Variants in STPG4 observed in about 807,000 individuals in gnomAD.
The protein encoded by STPG4 is protein STPG4.
Under a neutral mutation model 31.5 loss-of-function variants are expected in STPG4, and 41 were observed. The observed-to-expected ratio is 1.30, with a 90% CI of 1.01 to 1.69. The LOEUF is 1.69. STPG4 is among the 40% of genes most tolerant of loss of function. The probability of loss-of-function intolerance (pLI) is 0.00; values close to 1 mark genes in which losing one functional copy is unlikely to be tolerated. For synonymous variants in STPG4, 141 were observed against 103.0 expected, an observed-to-expected ratio of 1.37 and a Z score of -2.24; for missense variants, 375 against 293.4, an observed-to-expected ratio of 1.28 and a Z score of -2.03.
intron 5 of STPG4, among the ~76,000 whole-genome samples, chr2:47,092,253 G>C (rs2103725586): frequency 1.3e-5 from 2 of 149,816 alleles, no homozygotes; most frequent in Admixed American, 1.3e-4. Context: ...AAAGAGGCCA[G>C]GCATGGTGGC....
intron 5 of STPG4, among the ~76,000 whole-genome samples, chr2:47,127,301 C>T (rs960333441): frequency 4.0e-5 from 4 of 100,782 alleles, no homozygotes; most frequent in Non-Finnish European, 5.5e-5. Context: ...CAGAGTCTTA[C>T]TCTGTTGCCC....
intron 2 of STPG4, 109 bp downstream of exon 2, chr2:47,152,848 A>G (rs1023144202): frequency 1.3e-6 from 1 of 758,226 alleles, no homozygotes; most frequent in African/African-American, 1.8e-5. Flanking sequence ...GCAGATCTGA[A>G]CAATCACTGT....
At chr2:47,104,292 T>C (rs1332220882) in intron 5 of STPG4, among the ~76,000 whole-genome samples, 2 of 152,006 alleles carry the variant, frequency 1.3e-5, no homozygotes, top group Admixed American at 1.3e-4. Context: ...GATTACGGAA[T>C]ACTGTTAAAC....
chr2:47,093,123 T>C (rs1287736152), intron 5 of STPG4, among the ~76,000 whole-genome samples: 1 of 152,140 alleles, frequency 6.6e-6, no homozygotes, highest in Non-Finnish European at 1.5e-5. Flanking sequence ...GCTTTCCCAT[T>C]CTCTCTGGCA....
intron 5 of STPG4, among the ~76,000 whole-genome samples, chr2:47,097,578 T>C (rs1027493615): frequency 6.6e-5 from 10 of 152,184 alleles, no homozygotes; most frequent in African/African-American, 2.4e-4. Flanking sequence ...CATCCTCTTA[T>C]GGTGGAAGCT....
intron 5 of STPG4, among the ~76,000 whole-genome samples, chr2:47,121,514 C>A (rs1686271789): frequency 6.6e-6 from 1 of 152,118 alleles, no homozygotes; most frequent in African/African-American, 2.4e-5. Flanking sequence ...TATGGGCTAT[C>A]AAAGGAAAAG....
chr2:47,090,358 G>A lies in STPG4; in HGVS notation c.536C>T (p.Pro179Leu), dbSNP rs772026574. The A allele has an allele frequency of 7.1e-6, 11 of 1,551,050 alleles. No individual in the cohort carries two copies. Among genetic ancestry groups the A allele is most frequent in the Admixed American group, 5.9e-5 (3 of 50,972 alleles). ...AGGCATTTTCACATTATAATGACCTGGACCAGGGCCTTCATGCTATTGAAC... is the reference window on the plus strand; with the variant it reads ...AGGCATTTTCACATTATAATGACCTAGACCAGGGCCTTCATGCTATTGAAC... ...TYFIPHEGPG[P>L]GHYNVKMPPT... The change falls in exon 6 of 7, where the codon CCA (proline) becomes CTA (leucine). Residue 179 changes from proline to leucine, a missense_variant. By Grantham distance (98) the Pro-to-Leu change is moderately conservative (BLOSUM62 -3). Coordinates refer to ENST00000445927, the MANE Select transcript of STPG4 (RefSeq NM_001163561.2).
intron 5 of STPG4, among the ~76,000 whole-genome samples, chr2:47,120,142 G>T (rs187894925): frequency 6.6e-6 from 1 of 152,042 alleles, no homozygotes; most frequent in Non-Finnish European, 1.5e-5. Context: ...ATCAGCTTGG[G>T]CAATATGTTG....
At chr2:47,095,666 A>G (rs1020168304) in intron 5 of STPG4, among the ~76,000 whole-genome samples, 8 of 152,168 alleles carry the variant, frequency 5.3e-5, no homozygotes, top group Non-Finnish European at 8.8e-5. Flanking sequence ...GGAAGCTGGG[A>G]ATACAGTGAT....
At chr2:47,089,853 G>C (rs756345104) in intron 6 of STPG4, among the ~76,000 whole-genome samples, 1 of 152,064 alleles carries the variant, frequency 6.6e-6, no homozygotes, top group Non-Finnish European at 1.5e-5. Context: ...TCCCATTTGG[G>C]TCAATAAAAA....
At chr2:47,088,636 T>C (rs769766499) in intron 6 of STPG4, among the ~76,000 whole-genome samples, 2 of 152,220 alleles carry the variant, frequency 1.3e-5, no homozygotes, top group Non-Finnish European at 1.5e-5. Context: ...TTTACTATTA[T>C]CACCTACTTG....
intron 6 of STPG4, among the ~76,000 whole-genome samples, chr2:47,087,663 C>CA (rs1286815732): frequency 6.6e-6 from 1 of 152,194 alleles, no homozygotes; most frequent in East Asian, 1.9e-4. Flanking sequence ...ACCCCAGGGT[C>CA]AGAAGTGTTC....
At chr2:47,133,085 T>G (rs925025901) in intron 3 of STPG4, among the ~76,000 whole-genome samples, 3 of 152,212 alleles carry the variant, frequency 2.0e-5, no homozygotes, top group Non-Finnish European at 4.4e-5. Flanking sequence ...TTCCTGTTCA[T>G]TGCTAAACTT....
intron 5 of STPG4, among the ~76,000 whole-genome samples, chr2:47,102,752 G>A (rs1273525897): frequency 2.6e-5 from 4 of 151,832 alleles, no homozygotes; most frequent in African/African-American, 9.7e-5. Context: ...TATCGGTTAT[G>A]TCCCCTTCAA....
intron 5 of STPG4, among the ~76,000 whole-genome samples, chr2:47,110,282 C>A (rs754202243): frequency 6.6e-6 from 1 of 152,182 alleles, no homozygotes; most frequent in African/African-American, 2.4e-5. Flanking sequence ...CAAACACTGC[C>A]TGTTTTCTGC....
intron 1 of STPG4, among the ~76,000 whole-genome samples, chr2:47,154,657 G>A (rs1233177636): frequency 6.6e-6 from 1 of 151,958 alleles, no homozygotes; most frequent in Non-Finnish European, 1.5e-5. Context: ...CTTGAACCCG[G>A]GAGGCGGAGG....
At chr2:47,138,368 T>C (rs1226866996) in intron 3 of STPG4, among the ~76,000 whole-genome samples, 2 of 152,096 alleles carry the variant, frequency 1.3e-5, no homozygotes, top group Non-Finnish European at 2.9e-5. Flanking sequence ...CATTGTATAA[T>C]TTCTATTCCT....
In STPG4 at chr2:47,087,090, A is replaced by T; in HGVS notation, c.665T>A (p.Phe222Tyr). The T allele has an allele frequency of 6.4e-7, 1 of 1,551,732 alleles. No homozygotes were observed. The highest frequency in any genetic ancestry group is 8.7e-7 in the Non-Finnish European group (1 of 1,146,982). ...GGCTATGGTCGGAGACTGCTTAGGGAATTGTCTTAAAGTTGTATATGCTCC... is the reference window on the plus strand; with the variant it reads ...GGCTATGGTCGGAGACTGCTTAGGGTATTGTCTTAAAGTTGTATATGCTCC... ...GPGAYTTLRQ[F>Y]PKQSPTIAKM... is the part of the protein sequence containing the mutation. The change falls in exon 7 of 7, where the codon TTC becomes TAC. Residue 222 changes from phenylalanine to tyrosine, a missense_variant. Phe to Tyr is a conservative substitution (Grantham distance 22, BLOSUM62 3). Transcript: ENST00000445927.
intron 5 of STPG4, among the ~76,000 whole-genome samples, chr2:47,092,570 G>C (rs1573144027): frequency 8.4e-6 from 1 of 119,484 alleles, no homozygotes; most frequent in Admixed American, 8.1e-5. Context: ...AGGGAGAAGG[G>C]GAGGGGAGGG....
Sources: allele counts gnomAD v4.1 joint callset (sites outside exome capture counted in the v4.1 genomes callset), GRCh38; gene constraint gnomAD v4.1.1; transcripts MANE v1.5; gene names NCBI Gene and HGNC (gene_info 2026-07-23, HGNC 2026-07-21).